The following EBF1 variants were observed in gnomAD, a reference collection of about 807,000 sequenced individuals.
EBF1 encodes transcription factor COE1.
Under a neutral mutation model 68.4 loss-of-function variants are expected in EBF1, and 10 were observed. That is an observed-to-expected ratio of 0.15 (90% confidence interval 0.09 to 0.25). The LOEUF (loss-of-function observed/expected upper bound fraction) is 0.25, where lower values mean the gene tolerates loss of function less well. EBF1 is among the 10% of genes least tolerant of loss of function. The pLI is 1.00. For synonymous variants in EBF1, 298 were observed against 299.8 expected, an observed-to-expected ratio of 0.99 and a Z score of 0.06; for missense variants, 509 against 794.4, an observed-to-expected ratio of 0.64 and a Z score of 4.32.
At chr5:158,761,720 C>T (rs1227772749) in intron 10 of EBF1, among the ~76,000 whole-genome samples, 1 of 152,142 alleles carries the variant, frequency 6.6e-6, no homozygotes, top group Non-Finnish European at 1.5e-5. Flanking sequence ...ATACTTAAAT[C>T]CATTAAGTCT....
At chr5:159,053,605 T>A (rs995912) in intron 6 of EBF1, among the ~76,000 whole-genome samples, 25,763 of 146,176 alleles carry the variant, frequency 0.18, 2,329 homozygotes, top group Non-Finnish European at 0.2. Flanking sequence ...TCTCTCTCTC[T>A]CACACACACA....
chr5:158,824,496 T>G (rs2127868383), intron 7 of EBF1, among the ~76,000 whole-genome samples: 1 of 152,346 alleles, frequency 6.6e-6, no homozygotes, highest in East Asian at 1.9e-4. Flanking sequence ...GAGCGAAGGC[T>G]GAGGATTTCT....
intron 6 of EBF1, among the ~76,000 whole-genome samples, chr5:159,004,289 A>C (rs1763123659): frequency 6.6e-6 from 1 of 152,030 alleles, no homozygotes. Flanking sequence ...AAAAAAAAAA[A>C]AAAAACTGCT....
intron 6 of EBF1, among the ~76,000 whole-genome samples, chr5:158,931,591 T>C (rs1810906891): frequency 6.6e-6 from 1 of 152,234 alleles, no homozygotes; most frequent in Non-Finnish European, 1.5e-5. Context: ...ATTTTTAAAC[T>C]AGTTAGCTGC....
intron 6 of EBF1, among the ~76,000 whole-genome samples, chr5:158,933,306 G>T (rs771515394): frequency 7.9e-5 from 12 of 152,046 alleles, no homozygotes; most frequent in Admixed American, 1.3e-4. Flanking sequence ...ACCACTATAG[G>T]CAACCATCAT....
intron 11 of EBF1, among the ~76,000 whole-genome samples, chr5:158,716,307 C>A (rs1445290685): frequency 6.6e-6 from 1 of 151,754 alleles, no homozygotes; most frequent in African/African-American, 2.4e-5. Context: ...CCATTTAATC[C>A]TTTGAGAATA....
intron 6 of EBF1, among the ~76,000 whole-genome samples, chr5:158,854,606 C>T (rs1237910728): frequency 6.6e-6 from 1 of 152,192 alleles, no homozygotes; most frequent in African/African-American, 2.4e-5. Flanking sequence ...TAATCAGAAG[C>T]AGTAACTTTT....
chr5:158,903,668 A>C lies in EBF1; in HGVS notation c.555-63558T>G, dbSNP rs1293041773. Among the ~76,000 whole-genome samples, 8 of 152,186 alleles carry C rather than the reference A, an allele frequency of 5.3e-5. No homozygotes were observed. In the South Asian group the frequency reaches 1.0e-3, roughly 20 times the overall value. ...GCTGATTAATTTTCAAAGTGAATTC[A>C]GTTTTAGCCACTTCTACAAATAGAC... is the stretch of plus-strand genomic sequence containing the variant. On this transcript the variant is annotated intron_variant, in intron 6 of 15. Coordinates refer to ENST00000313708, the MANE Select transcript of EBF1 (RefSeq NM_024007.5).
chr5:158,720,725 C>G (rs1411015926), intron 11 of EBF1, among the ~76,000 whole-genome samples: 1 of 152,112 alleles, frequency 6.6e-6, no homozygotes, highest in Non-Finnish European at 1.5e-5. Flanking sequence ...TATAATTAAA[C>G]ATGTTTCTGT....
chr5:159,072,011 T>C (rs1229463416), intron 6 of EBF1, among the ~76,000 whole-genome samples: 2 of 152,226 alleles, frequency 1.3e-5, no homozygotes, highest in Non-Finnish European at 2.9e-5. Flanking sequence ...TGGAGACTTA[T>C]GTTCAATCAC....
intron 10 of EBF1, among the ~76,000 whole-genome samples, chr5:158,742,314 G>A (rs1766586306): frequency 6.6e-6 from 1 of 152,264 alleles, no homozygotes; most frequent in African/African-American, 2.4e-5. Context: ...CAACCGTCCT[G>A]GAGTAAGACT....
At chr5:159,051,714 G>C (rs564929397) in intron 6 of EBF1, among the ~76,000 whole-genome samples, 57 of 152,048 alleles carry the variant, frequency 3.7e-4, no homozygotes, top group African/African-American at 1.3e-3. Flanking sequence ...ATTCAGAAGG[G>C]GGGGCAAGAC....
At chr5:159,057,781 T>C (rs1009580634) in intron 6 of EBF1, among the ~76,000 whole-genome samples, 1 of 152,228 alleles carries the variant, frequency 6.6e-6, no homozygotes, top group African/African-American at 2.4e-5. Context: ...GGTCTCTTCC[T>C]ACAGGAATCT....
intron 6 of EBF1, among the ~76,000 whole-genome samples, chr5:158,939,961 T>C (rs1330779540): frequency 6.6e-6 from 1 of 152,184 alleles, no homozygotes; most frequent in Non-Finnish European, 1.5e-5. Context: ...TCTCAAGGAA[T>C]ACACTTATAC....
At chr5:158,861,734 C>G (rs887784956) in intron 6 of EBF1, among the ~76,000 whole-genome samples, 23 of 152,004 alleles carry the variant, frequency 1.5e-4, no homozygotes, top group African/African-American at 5.6e-4. Flanking sequence ...ATCACCTTGC[C>G]TTTTCTTTGG....
chr5:158,771,445 CA>C (rs1773869282), intron 10 of EBF1, among the ~76,000 whole-genome samples: 2 of 152,066 alleles, frequency 1.3e-5, no homozygotes, highest in Non-Finnish European at 2.9e-5. Flanking sequence ...TCTTAATTAA[CA>C]GCTCTTATTT....
At chr5:158,938,628 G>A (rs1812585626) in intron 6 of EBF1, among the ~76,000 whole-genome samples, 1 of 152,244 alleles carries the variant, frequency 6.6e-6, no homozygotes, top group Non-Finnish European at 1.5e-5. Context: ...TTCCCAGTCT[G>A]CAGAGGGCTG....
At position 158,876,171 on chromosome 5, in the gene EBF1, C is replaced by T. The variant is rs1423186103; in HGVS notation, c.555-36061G>A. Among the ~76,000 whole-genome samples, 3 of 152,108 alleles carry T rather than the reference C, an allele frequency of 2.0e-5. No homozygotes were observed. In the East Asian group the frequency reaches 5.8e-4, roughly 29 times the overall value. On this transcript the variant is annotated intron_variant, in intron 6 of 15. Coordinates refer to ENST00000313708, the MANE Select transcript of EBF1 (RefSeq NM_024007.5). ...ATAATATAAAATATAATAATATTAG[C>T]AGGAACAAAAATCAGTAACAACCTC...
At chr5:158,809,514 T>C (rs1470181892) in intron 8 of EBF1, among the ~76,000 whole-genome samples, 1 of 152,200 alleles carries the variant, frequency 6.6e-6, no homozygotes, top group Non-Finnish European at 1.5e-5. Flanking sequence ...TGGATATTTA[T>C]TAACTTTACA....
Sources: allele counts gnomAD v4.1 joint callset (sites outside exome capture counted in the v4.1 genomes callset), GRCh38; gene constraint gnomAD v4.1.1; transcripts MANE v1.5; gene names NCBI Gene and HGNC (gene_info 2026-07-23, HGNC 2026-07-21).